Variants in CKAP5 observed in about 807,000 individuals in gnomAD.
The protein encoded by CKAP5 is cytoskeleton-associated protein 5.
A neutral mutation model predicts 232.8 loss-of-function variants in CKAP5; 27 were observed. That is an observed-to-expected ratio of 0.12 (90% CI 0.09 to 0.16). The LOEUF is 0.16. CKAP5 is among the 10% of genes least tolerant of loss of function. The pLI is 1.00. For missense variants in CKAP5, 1,838 were observed against 2,424.7 expected, an observed-to-expected ratio of 0.76 and a Z score of 5.08; for synonymous variants, 785 against 841.1, an observed-to-expected ratio of 0.93 and a Z score of 1.16.
chr11:46,770,771 G>C lies in CKAP5; in HGVS notation c.3186+17C>G. The C allele has an allele frequency of 1.2e-6, 2 of 1,607,222 alleles. No individual in the cohort carries two copies. Among genetic ancestry groups the C allele is most frequent in the Non-Finnish European group, 1.7e-6 (2 of 1,175,410 alleles). On this transcript the variant is annotated intron_variant, in intron 25 of 43. Coordinates refer to ENST00000529230, the MANE Select transcript of CKAP5 (RefSeq NM_001008938.4). ...TTAATAGCTTTTAACAGCAGTAGCA[G>C]CAACAAGAAGTAGTACCTTTAGTTT...
intron 24 of CKAP5, among the ~76,000 whole-genome samples, chr11:46,773,156 T>C (rs545710536): frequency 3.3e-5 from 5 of 152,366 alleles, no homozygotes; most frequent in South Asian, 2.1e-4. Flanking sequence ...TGAATGCATG[T>C]TGGATATGTC....
At chr11:46,754,831 A>G in intron 36 of CKAP5, 57 bp downstream of exon 36, 4 of 1,479,708 alleles carry the variant, frequency 2.7e-6, no homozygotes, top group Non-Finnish European at 3.7e-6. Flanking sequence ...CTGGCTTTTG[A>G]ACCTCTGTAG....
chr11:46,823,007 T>C (rs995790718), intron 1 of CKAP5, among the ~76,000 whole-genome samples: 1 of 152,134 alleles, frequency 6.6e-6, no homozygotes, highest in Non-Finnish European at 1.5e-5. Context: ...TCGTCCAGGC[T>C]GGAGTGGAAT....
chr11:46,800,186 A>T (rs1938995004), intron 9 of CKAP5, among the ~76,000 whole-genome samples: 1 of 152,170 alleles, frequency 6.6e-6, no homozygotes, highest in South Asian at 2.1e-4. Flanking sequence ...ATAGATTTTA[A>T]TTTTATTTCA....
At chr11:46,821,142 G>A (rs1306893756) in intron 2 of CKAP5, 33 bp downstream of exon 2, 11 of 1,544,426 alleles carry the variant, frequency 7.1e-6, no homozygotes, top group Admixed American at 1.7e-5. Flanking sequence ...ACAAGCCAAC[G>A]ACACTGAAAA....
At chr11:46,791,320 G>A (rs1357354588) in intron 13 of CKAP5, among the ~76,000 whole-genome samples, 1 of 151,430 alleles carries the variant, frequency 6.6e-6, no homozygotes, top group East Asian at 2.0e-4. Flanking sequence ...CCTGATCACG[G>A]CTCACTATAG....
Position 46,744,588 on chromosome 11 carries a change from A to C in CKAP5, c.5705-11T>G. The C allele has an allele frequency of 6.2e-7, 1 of 1,612,670 alleles. No individual in the cohort carries two copies. The highest frequency in any genetic ancestry group is 2.2e-5 in the East Asian group (1 of 44,856). ...TCTGAGGGGAGATGCCTAGAGGGGA[A>C]AAAGTAGAAAGAATATTCAGATATC... is the stretch of plus-strand genomic sequence containing the variant. On this transcript the variant is annotated splice_polypyrimidine_tract_variant and intron_variant, in intron 42 of 43. Transcript: ENST00000529230.
rs751990167 is a variant in CKAP5 at position 46,818,323 on chromosome 11, G to A, written c.238C>T (p.His80Tyr). Reference protein sequence around the residue: ...EAALVYVENAHVAGKTTGEVV... With the variant: ...EAALVYVENAYVAGKTTGEVV... Reference sequence around the variant, plus strand: ...GAAAGTACTTACTTTCCTGCTACATGGGCATTTTCAACATAAACAAGTGCA... The same window carrying A: ...GAAAGTACTTACTTTCCTGCTACATAGGCATTTTCAACATAAACAAGTGCA... Residue 80 changes from histidine (H) to tyrosine (Y), a missense_variant, in exon 3 of 44, where the codon CAT becomes TAT. Physicochemically the swap from His to Tyr is moderately conservative, Grantham distance 83. Transcript: ENST00000529230. 2 of 1,586,688 alleles carry A rather than the reference G, an allele frequency of 1.3e-6. No individual in the cohort carries two copies. The highest frequency in any genetic ancestry group is 1.4e-5 in the African/African-American group (1 of 73,116).
At position 46,751,273 on chromosome 11, in the gene CKAP5, A is replaced by G; in HGVS notation, c.5323-18T>C. The G allele has an allele frequency of 3.7e-6, 6 of 1,614,174 alleles. No individual in the cohort carries two copies. The highest frequency in any genetic ancestry group is 1.7e-5 in the Admixed American group (1 of 60,016). ...TCCAGGATCTGAGGGAGACACATGC[A>G]TGACTGATAGCACTGCCATTTCCAT... On this transcript the variant is annotated intron_variant, in intron 39 of 43. Coordinates refer to ENST00000529230, the MANE Select transcript of CKAP5 (RefSeq NM_001008938.4).
chr11:46,822,301 T>C (rs1316128873), intron 1 of CKAP5, among the ~76,000 whole-genome samples: 1 of 151,890 alleles, frequency 6.6e-6, no homozygotes, highest in African/African-American at 2.4e-5. Context: ...AAAATTTGTT[T>C]TCTAAAAAAT....
intron 13 of CKAP5, 76 bp from the exon 14 acceptor site, chr11:46,790,659 T>C: frequency 9.6e-7 from 1 of 1,042,120 alleles, no homozygotes; most frequent in Non-Finnish European, 1.4e-6. Context: ...TTTATTTTTT[T>C]TGAGACAGTG....
intron 25 of CKAP5, 136 bp downstream of exon 25, chr11:46,770,652 C>T (rs2134605956): frequency 1.3e-6 from 1 of 759,430 alleles, no homozygotes; most frequent in African/African-American, 1.8e-5. Flanking sequence ...TGGTCTTGAA[C>T]TCCTGACCTC....
chr11:46,833,623 C>T (rs865833043), intron 1 of CKAP5, among the ~76,000 whole-genome samples: 3 of 151,512 alleles, frequency 2.0e-5, no homozygotes, highest in East Asian at 3.9e-4. Context: ...GGACTACAGG[C>T]GTCTGCCACC....
intron 1 of CKAP5, among the ~76,000 whole-genome samples, chr11:46,831,008 T>C (rs1339094063): frequency 6.6e-6 from 1 of 152,072 alleles, no homozygotes; most frequent in Non-Finnish European, 1.5e-5. Flanking sequence ...GAGCTTGCAG[T>C]GAGCCGAGAT....
chr11:46,816,161 T>C, intron 4 of CKAP5, 37 bp downstream of exon 4: 1 of 1,558,652 alleles, frequency 6.4e-7, no homozygotes, highest in East Asian at 2.2e-5. Flanking sequence ...GGTTGGGGAC[T>C]GCTGCTCTAG....
Position 46,818,470 on chromosome 11 carries a change from C to T in CKAP5, c.91G>A (p.Ala31Thr), listed in dbSNP as rs752436812. 6.2e-7 allele frequency: 1 copy of T among 1,600,664 alleles called. No homozygotes were observed. The highest frequency in any genetic ancestry group is 1.4e-5 in the African/African-American group (1 of 73,904). ...WKARLSGYEE[A>T]LKIFQKIKDE... The stretch of plus-strand genomic sequence containing the variant: ...TTTATTTTCTGGAAGATCTTCAGGG[C>T]CTCTTCATACCCACTTAACCTTGCT... Residue 31 changes from alanine (A) to threonine (T), a missense_variant, in exon 3 of 44, where the codon GCC (alanine) becomes ACC (threonine). Coordinates refer to ENST00000529230, the MANE Select transcript of CKAP5 (RefSeq NM_001008938.4).
At chr11:46,841,997 CAAAAAA>C (rs3031699) in intron 1 of CKAP5, among the ~76,000 whole-genome samples, 32 of 109,388 alleles carry the variant, frequency 2.9e-4, no homozygotes, top group African/African-American at 3.6e-4. Flanking sequence ...GACTTTGGTT[CAAAAAA>C]AAAAAAAAAA....
In CKAP5 at chr11:46,796,931, C is replaced by T. The variant is rs1359830111; in HGVS notation, c.1348G>A (p.Asp450Asn). 1 of 1,613,900 alleles carries T rather than the reference C, an allele frequency of 6.2e-7. No individual in the cohort carries two copies. The highest frequency in any genetic ancestry group is 2.2e-5 in the East Asian group (1 of 44,870). The change falls in exon 12 of 44, where the codon GAT (aspartate) becomes AAT (asparagine). Residue 450 changes from aspartate to asparagine, a missense_variant. Asp to Asn is a conservative substitution (Grantham distance 23). This residue lies in a region of CKAP5 where 767 missense variants were observed against 954.6 expected (regional missense o/e 0.80). Coordinates refer to ENST00000529230, the MANE Select transcript of CKAP5 (RefSeq NM_001008938.4). ...GCATCTCTGACTTCAGGAGCAGAATCATTGATGTGCTATAGTCCAGAAGTA... is the reference window on the plus strand; with the variant it reads ...GCATCTCTGACTTCAGGAGCAGAATTATTGATGTGCTATAGTCCAGAAGTA... ...FCAALLKHIN[D>N]SAPEVRDAAF...
intron 1 of CKAP5, among the ~76,000 whole-genome samples, chr11:46,838,306 G>A (rs894997949): frequency 3.9e-5 from 6 of 151,998 alleles, no homozygotes; most frequent in African/African-American, 1.4e-4. Context: ...ATAATTTTAA[G>A]ACTAATTGAG....
Sources: allele counts gnomAD v4.1 joint callset (sites outside exome capture counted in the v4.1 genomes callset), GRCh38; gene constraint gnomAD v4.1.1; regional missense constraint gnomAD v4.1.1; transcripts MANE v1.5; gene names NCBI Gene and HGNC (gene_info 2026-07-23, HGNC 2026-07-21).